Variants in PLEKHA6 observed in about 807,000 individuals in gnomAD.
The protein encoded by PLEKHA6 is pleckstrin homology domain containing A6, also known as pleckstrin homology domain-containing family A member 6.
Under a neutral mutation model 116.7 loss-of-function variants are expected in PLEKHA6, and 60 were observed. The ratio of observed to expected loss-of-function variants is 0.51; its 90% CI spans 0.42 to 0.64. The LOEUF (loss-of-function observed/expected upper bound fraction) is 0.64. Ranked by LOEUF, PLEKHA6 falls within the 30% of genes least tolerant of loss-of-function variation. The pLI, the probability that PLEKHA6 is intolerant of heterozygous loss-of-function variation, is 0.00. For synonymous variants in PLEKHA6, 489 were observed against 556.1 expected, an observed-to-expected ratio of 0.88 and a Z score of 1.70; for missense variants, 1,338 against 1,422.7, an observed-to-expected ratio of 0.94 and a Z score of 0.96.
At chr1:204,233,782 A>AT (rs1231313739) in intron 17 of PLEKHA6, among the ~76,000 whole-genome samples, 1 of 151,992 alleles carries the variant, frequency 6.6e-6, no homozygotes, top group Non-Finnish European at 1.5e-5. Flanking sequence ...AAATGGAGAG[A>AT]TTTTGCCCCA....
chr1:204,344,635 A>T (rs1463448195), intron 1 of PLEKHA6, among the ~76,000 whole-genome samples: 1 of 151,908 alleles, frequency 6.6e-6, no homozygotes, highest in Non-Finnish European at 1.5e-5. Context: ...TTAAAAATAT[A>T]TAGAGTCAAT....
intron 1 of PLEKHA6, among the ~76,000 whole-genome samples, chr1:204,302,114 T>A (rs1177441908): frequency 6.6e-6 from 1 of 152,212 alleles, no homozygotes; most frequent in Non-Finnish European, 1.5e-5. Context: ...CCCTACTGTG[T>A]ATCACATGGA....
chr1:204,231,972 A>G (rs1369387530), intron 17 of PLEKHA6, among the ~76,000 whole-genome samples: 1 of 152,146 alleles, frequency 6.6e-6, no homozygotes, highest in African/African-American at 2.4e-5. Flanking sequence ...CGGAACCCGG[A>G]GATATGGAGG....
chr1:204,341,587 T>A (rs1464528630), intron 1 of PLEKHA6, among the ~76,000 whole-genome samples: 1 of 152,200 alleles, frequency 6.6e-6, no homozygotes, highest in Non-Finnish European at 1.5e-5. Flanking sequence ...ACCACAGGGA[T>A]CTGTTCTTGA....
chr1:204,244,177 G>A (rs1209651104), intron 15 of PLEKHA6, among the ~76,000 whole-genome samples: 6 of 151,924 alleles, frequency 3.9e-5, no homozygotes, highest in Admixed American at 1.3e-4. Context: ...CTGTCACCAG[G>A]CTGAAGTACA....
chr1:204,246,170 C>T (rs568761046), intron 13 of PLEKHA6, among the ~76,000 whole-genome samples: 5 of 152,304 alleles, frequency 3.3e-5, no homozygotes, highest in African/African-American at 7.2e-5. Context: ...AATTCAATTA[C>T]AGTTGACAGT....
rs992231854 is a variant in PLEKHA6 at position 204,319,596 on chromosome 1, C to T, written c.-95+40098G>A. ...ACAGGAGTGGTCCCTCCCTCCTGTG[C>T]GCTTTGTCTGTAAGTCAGAAGCAGG... On this transcript the variant is annotated intron_variant, in intron 1 of 22. Transcript: ENST00000272203. Among the ~76,000 whole-genome samples the T allele has an allele frequency of 8.5e-5, 13 of 152,248 alleles. 1 individual carries two copies. The highest frequency in any genetic ancestry group is 6.2e-4 in the South Asian group (3 of 4,814).
chr1:204,270,266 T>C (rs2102873588), intron 3 of PLEKHA6, among the ~76,000 whole-genome samples: 1 of 152,312 alleles, frequency 6.6e-6, no homozygotes, highest in Middle Eastern at 3.4e-3. Context: ...CTTTTATTAT[T>C]TTATTTTTAT....
intron 1 of PLEKHA6, among the ~76,000 whole-genome samples, chr1:204,282,463 C>T (rs569743479): frequency 1.3e-5 from 2 of 152,122 alleles, no homozygotes; most frequent in Admixed American, 6.5e-5. Context: ...CCAAGTCCCT[C>T]GAGTGTCCCT....
At chr1:204,297,088 G>A in intron 1 of PLEKHA6, 1 of 983,672 alleles carries the variant, frequency 1.0e-6, no homozygotes, top group Non-Finnish European at 1.2e-6. Context: ...GAGAGAGAAA[G>A]GAAAAGAATT....
chr1:204,266,434 C>A (rs1175094267), intron 5 of PLEKHA6, among the ~76,000 whole-genome samples: 1 of 152,142 alleles, frequency 6.6e-6, no homozygotes, highest in East Asian at 1.9e-4. Context: ...GTGCAGAGAC[C>A]CCCAATTTTC....
chr1:204,222,050 T>TCTCTCTCTCTCTCTCTCTCTC lies in PLEKHA6; in HGVS notation c.*737_*738insGAGAGAGAGAGAGAGAGAGAG, dbSNP rs1571701806. ...TCTCTCTCTCTCTCTCTCTCTCTCT[T>TCTCTCTCTCTCTCTCTCTCTC]TCTGTCTCTCTCTCTCTGCTACCCT... is the stretch of plus-strand genomic sequence containing the variant. On this transcript the variant is annotated 3_prime_UTR_variant, in exon 23 of 23. Coordinates refer to ENST00000272203, the MANE Select transcript of PLEKHA6 (RefSeq NM_014935.5). 1 of 64,602 alleles carries TCTCTCTCTCTCTCTCTCTCTC rather than the reference T, an allele frequency of 1.5e-5. No individual in the cohort carries two copies. Among genetic ancestry groups the TCTCTCTCTCTCTCTCTCTCTC allele is most frequent in the African/African-American group, 5.4e-5 (1 of 18,416 alleles). 4.0% of individuals were successfully genotyped at this position (64,602 alleles called of 1,614,324 possible). A position where few individuals can be genotyped will look rare whatever the true frequency, so the allele number is the denominator to read the frequency against.
chr1:204,265,528 G>A (rs1666690610), intron 5 of PLEKHA6, among the ~76,000 whole-genome samples: 2 of 152,146 alleles, frequency 1.3e-5, no homozygotes, highest in South Asian at 4.1e-4. Flanking sequence ...TGGTAAAATT[G>A]GTCTTCAAAC....
chr1:204,297,033 G>C (rs563457046), intron 1 of PLEKHA6: 3 of 820,140 alleles, frequency 3.7e-6, no homozygotes, highest in Non-Finnish European at 4.4e-6. Flanking sequence ...GAGAGCCACC[G>C]TACCCATCCC....
rs1173989648 is a variant in PLEKHA6, at chr1:204,250,560, C to T, written c.1579G>A (p.Glu527Lys). 15 of 1,612,406 alleles carry T rather than the reference C, an allele frequency of 9.3e-6. No homozygotes were observed. Among genetic ancestry groups the T allele is most frequent in the Non-Finnish European group, 1.2e-5 (14 of 1,179,244 alleles). The change falls in exon 10 of 23, where the codon GAG becomes AAG. Residue 527 changes from glutamate (E) to lysine (K), a missense_variant. Around this residue, in one of 3 missense-constraint regions of PLEKHA6, gnomAD observed 1,136 missense variants for 1,163.6 expected, o/e 0.98. Coordinates refer to ENST00000272203, the MANE Select transcript of PLEKHA6 (RefSeq NM_014935.5). ...RDSLHTYKLN[E>K]QDTDKLLGKL... ...GCTGCTCTTACATCTGTGTCTTGCT[C>T]GTTTAACTTGTAGGTGTGGAGGCTG...
chr1:204,278,465 A>C (rs148048906), intron 1 of PLEKHA6, among the ~76,000 whole-genome samples: 1 of 152,344 alleles, frequency 6.6e-6, no homozygotes, highest in Non-Finnish European at 1.5e-5. Context: ...GTCTGTTGCT[A>C]TGGCAATTCT....
Position 204,247,467 on chromosome 1 carries a change from G to C in PLEKHA6, c.1825-7C>G, listed in dbSNP as rs1053173305. ...TGGTGCTGTTTGTCAGGGCCTACGG[G>C]GGAAAGAGGCGTTCACTGAGAAAGC... On this transcript the variant is annotated splice_region_variant and splice_polypyrimidine_tract_variant and intron_variant, in intron 12 of 22. Coordinates refer to ENST00000272203, the MANE Select transcript of PLEKHA6 (RefSeq NM_014935.5). 8.8e-6 allele frequency: 14 copies of C among 1,593,538 alleles called. No homozygotes were observed. Among genetic ancestry groups the C allele is most frequent in the Non-Finnish European group, 9.5e-6 (11 of 1,162,008 alleles).
At chr1:204,270,753 AAG>A (rs1350381359) in intron 3 of PLEKHA6, among the ~76,000 whole-genome samples, 1 of 152,198 alleles carries the variant, frequency 6.6e-6, no homozygotes, top group Non-Finnish European at 1.5e-5. Flanking sequence ...CTCGTCACTT[AAG>A]AGAGAGGTTG....
At chr1:204,324,952 T>G (rs747254999) in intron 1 of PLEKHA6, among the ~76,000 whole-genome samples, 24 of 152,188 alleles carry the variant, frequency 1.6e-4, no homozygotes, top group Non-Finnish European at 2.9e-4. Context: ...GGGTCTCACT[T>G]TGTTGCCCAG....
Sources: allele counts gnomAD v4.1 joint callset (sites outside exome capture counted in the v4.1 genomes callset), GRCh38; gene constraint gnomAD v4.1.1; regional missense constraint gnomAD v4.1.1; transcripts MANE v1.5; gene names NCBI Gene and HGNC (gene_info 2026-07-23, HGNC 2026-07-21).